Variants in SYNPO2 observed in about 807,000 individuals in gnomAD.
SYNPO2 encodes the protein synaptopodin-2.
SYNPO2 carries 56 observed loss-of-function variants against 85.0 expected under a neutral mutation model. The ratio of observed to expected loss-of-function variants is 0.66; its 90% CI spans 0.53 to 0.82. The LOEUF (loss-of-function observed/expected upper bound fraction) is 0.82. Among genes scored for constraint, SYNPO2 ranks in the 40% least tolerant of loss-of-function variants. The probability of loss-of-function intolerance (pLI) is 0.00; values close to 1 mark genes in which losing one functional copy is unlikely to be tolerated. For missense variants in SYNPO2, 1,575 were observed against 1,534.2 expected, an observed-to-expected ratio of 1.03 and a Z score of -0.44; for synonymous variants, 602 against 591.1, an observed-to-expected ratio of 1.02 and a Z score of -0.27.
intron 1 of SYNPO2, among the ~76,000 whole-genome samples, chr4:118,861,187 G>A (rs1314073555): frequency 2.0e-5 from 3 of 151,926 alleles, no homozygotes; most frequent in Non-Finnish European, 4.4e-5. Flanking sequence ...TTGAGATGGA[G>A]TCTCACTCTG....
At chr4:118,950,913 G>A (rs1734672186) in intron 1 of SYNPO2, among the ~76,000 whole-genome samples, 1 of 152,170 alleles carries the variant, frequency 6.6e-6, no homozygotes, top group African/African-American at 2.4e-5. Context: ...ATATAACTGG[G>A]TGCAATGAAA....
intron 1 of SYNPO2, among the ~76,000 whole-genome samples, chr4:118,868,498 G>T (rs2110570396): frequency 6.6e-6 from 1 of 152,190 alleles, no homozygotes; most frequent in South Asian, 2.1e-4. Context: ...TTTTGATAAA[G>T]AAATCTGCCT....
rs1734668073 is a variant in SYNPO2, at chr4:118,950,740, C to T, written c.105+61599C>T. ...CACCTAAGCCTTGGAAGGCCAGTCT[C>T]TCCTTGGTTAGTGAGGTCCCACATG... is the stretch of plus-strand genomic sequence containing the variant. On this transcript the variant is annotated intron_variant, in intron 1 of 4. Coordinates refer to ENST00000307142, the MANE Select transcript of SYNPO2 (RefSeq NM_133477.3). Among the ~76,000 whole-genome samples the T allele has an allele frequency of 2.0e-5, 3 of 152,190 alleles. No homozygotes were observed. In the South Asian group the frequency reaches 6.2e-4, roughly 32 times the overall value.
chr4:118,904,953 A>G (rs577260736), intron 1 of SYNPO2, among the ~76,000 whole-genome samples: 70 of 152,322 alleles, frequency 4.6e-4, no homozygotes, highest in Admixed American at 1.6e-3. Context: ...TAGGGAGTCA[A>G]AATGCAGTGA....
At chr4:118,881,631 G>T (rs1732103782) in intron 1 of SYNPO2, among the ~76,000 whole-genome samples, 1 of 152,236 alleles carries the variant, frequency 6.6e-6, no homozygotes, top group Non-Finnish European at 1.5e-5. Context: ...ACGACTGCGA[G>T]CCTCTGTGGC....
chr4:119,029,937 A>T lies in SYNPO2; in HGVS notation c.1162A>T (p.Asn388Tyr), dbSNP rs369424886. ...SIALLLTDAP[N>Y]PNSKGVLMFK... ...TGCCCTTCTTCTAACGGATGCTCCC[A>T]ACCCCAACTCCAAGGGGGTGTTGAT... The change falls in exon 4 of 5, where the codon AAC becomes TAC. Residue 388 changes from asparagine to tyrosine, a missense_variant. Transcript: ENST00000307142. 79 of 1,613,796 alleles carry T rather than the reference A, an allele frequency of 4.9e-5. 1 individual carries two copies. Among genetic ancestry groups the T allele is most frequent in the East Asian group, 3.8e-4 (17 of 44,874 alleles).
intron 1 of SYNPO2, among the ~76,000 whole-genome samples, chr4:119,004,760 T>A (rs931340583): frequency 1.6e-4 from 24 of 151,584 alleles, no homozygotes; most frequent in East Asian, 3.9e-4. Context: ...GATGGCTGGG[T>A]CAGATGGTAT....
intron 1 of SYNPO2, among the ~76,000 whole-genome samples, chr4:118,851,105 G>A (rs1731412856): frequency 6.6e-6 from 1 of 151,656 alleles, no homozygotes; most frequent in Middle Eastern, 3.4e-3. Flanking sequence ...ACTTTTCAGA[G>A]TCTTAGTGGA....
At chr4:118,998,625 A>T (rs1306684992) in intron 1 of SYNPO2, among the ~76,000 whole-genome samples, 1 of 152,184 alleles carries the variant, frequency 6.6e-6, no homozygotes, top group Non-Finnish European at 1.5e-5. Context: ...GTGACTCAAG[A>T]TCACTGAGGT....
At chr4:118,941,123 C>T (rs1448472921) in intron 1 of SYNPO2, among the ~76,000 whole-genome samples, 5 of 152,166 alleles carry the variant, frequency 3.3e-5, no homozygotes, top group Non-Finnish European at 5.9e-5. Context: ...TTCAACCTTC[C>T]CTCCAGATTG....
intron 1 of SYNPO2, among the ~76,000 whole-genome samples, chr4:118,924,990 G>T (rs1733665234): frequency 6.6e-6 from 1 of 152,142 alleles, no homozygotes; most frequent in Non-Finnish European, 1.5e-5. Context: ...CTCCATGGCT[G>T]CAGTACTGCA....
At chr4:119,040,945 C>A (rs1738692218) in intron 4 of SYNPO2, among the ~76,000 whole-genome samples, 1 of 152,176 alleles carries the variant, frequency 6.6e-6, no homozygotes, top group Non-Finnish European at 1.5e-5. Context: ...GATCACTTTC[C>A]AAAAACAGAA....
rs1013501973 is a variant in SYNPO2 at position 118,879,041 on chromosome 4, G to A, written c.12+28101G>A. Among the ~76,000 whole-genome samples, 10 of 152,224 alleles carry A rather than the reference G, an allele frequency of 6.6e-5. No individual in the cohort carries two copies. The East Asian group carries it at 9.6e-4, about 15-fold the overall frequency. ...CCCACAGGGAGGAATGAACAACTCC[G>A]GAGGCACCACCTTTAAGAGCTGTAA... On this transcript the variant is annotated intron_variant, in intron 1 of 4. Coordinates refer to the SYNPO2 transcript ENST00000610556.
At chr4:119,038,961 A>G (rs1281191639) in intron 4 of SYNPO2, among the ~76,000 whole-genome samples, 4 of 151,458 alleles carry the variant, frequency 2.6e-5, no homozygotes, top group Middle Eastern at 3.4e-3. Context: ...AACTAGTGTG[A>G]TAGATTCTAA....
chr4:119,053,582 AGCC>A (rs1237219474), intron 4 of SYNPO2, among the ~76,000 whole-genome samples: 1 of 152,156 alleles, frequency 6.6e-6, no homozygotes, highest in Non-Finnish European at 1.5e-5. Flanking sequence ...CCCTTCAGAA[AGCC>A]CTGGCTTACT....
chr4:118,879,949 G>A (rs556375145), intron 1 of SYNPO2, among the ~76,000 whole-genome samples: 5 of 151,806 alleles, frequency 3.3e-5, no homozygotes, highest in African/African-American at 9.7e-5. Context: ...TAGAGACCCA[G>A]GAGCAGCAGA....
rs1560994503 is a variant in SYNPO2, at chr4:119,026,619, G to T, written c.258-8G>T. On this transcript the variant is annotated splice_polypyrimidine_tract_variant and splice_region_variant and intron_variant, in intron 2 of 4. Transcript: ENST00000307142. ...TTTAAGTGTCTGGAATGATTTTTCTGTGTGCAGACCATCCAGTGGAATAAG... is the reference window on the plus strand; with the variant it reads ...TTTAAGTGTCTGGAATGATTTTTCTTTGTGCAGACCATCCAGTGGAATAAG... 1.3e-6 allele frequency: 2 copies of T among 1,573,464 alleles called. No homozygotes were observed. Among genetic ancestry groups the T allele is most frequent in the South Asian group, 2.4e-5 (2 of 83,776 alleles).
intron 1 of SYNPO2, among the ~76,000 whole-genome samples, chr4:118,878,512 T>C (rs929232986): frequency 2.0e-5 from 3 of 152,030 alleles, no homozygotes; most frequent in African/African-American, 7.2e-5. Flanking sequence ...CTTGGAGAAA[T>C]TTTCCATCTA....
intron 1 of SYNPO2, among the ~76,000 whole-genome samples, chr4:118,867,574 C>T (rs772686712): frequency 6.0e-5 from 9 of 151,012 alleles, no homozygotes; most frequent in Non-Finnish European, 1.0e-4. Flanking sequence ...ATGAATGCTT[C>T]GGTACAAATC....
Sources: allele counts gnomAD v4.1 joint callset (sites outside exome capture counted in the v4.1 genomes callset), GRCh38; gene constraint gnomAD v4.1.1; transcripts MANE v1.5; gene names NCBI Gene and HGNC (gene_info 2026-07-23, HGNC 2026-07-21).